GPBP1: variants seen among roughly 807,000 people sequenced by gnomAD.
GPBP1 encodes the protein GC-rich promoter binding protein 1, also known as vasculin.
In GPBP1, 13 loss-of-function variants were observed where a neutral mutation model predicts 56.5. That is an observed-to-expected ratio of 0.23 (90% CI 0.15 to 0.37). The LOEUF is 0.37. GPBP1 is among the 10% of genes least tolerant of loss of function. The pLI is 1.00. For synonymous variants in GPBP1, 204 were observed against 188.9 expected, an observed-to-expected ratio of 1.08 and a Z score of -0.66; for missense variants, 477 against 572.3, an observed-to-expected ratio of 0.83 and a Z score of 1.70.
At chr5:57,222,680 G>A (rs1756004290) in intron 3 of GPBP1, among the ~76,000 whole-genome samples, 2 of 151,896 alleles carry the variant, frequency 1.3e-5, no homozygotes. Flanking sequence ...GAAATACCTG[G>A]GCATTTCTTT....
At chr5:57,252,239 A>G (rs1580079634) in intron 10 of GPBP1, among the ~76,000 whole-genome samples, 1 of 150,332 alleles carries the variant, frequency 6.7e-6, no homozygotes, top group African/African-American at 2.4e-5. Flanking sequence ...TTGCACCACC[A>G]TGCACGGCTT....
rs1006454406 is a variant in GPBP1, at chr5:57,175,943, T to G, written c.-515T>G. 3.5e-5 allele frequency: 14 copies of G among 398,460 alleles called. 1 individual carries two copies. The Admixed American group carries it at 4.0e-4, about 11-fold the overall frequency. The allele number at this position is 398,460 out of a possible 1,614,324, so 24.7% of individuals were successfully genotyped here. A position where few individuals can be genotyped will look rare whatever the true frequency, so the allele number is the denominator to read the frequency against. On this transcript the variant is annotated 5_prime_UTR_variant, in exon 2 of 12. Transcript: ENST00000506184. Reference sequence around the variant, plus strand: ...TGAAGAGATTGAAAGAATACAGAGTTTTTTTCCTTTTATCTTTTATTTACG... The same window carrying G: ...TGAAGAGATTGAAAGAATACAGAGTGTTTTTCCTTTTATCTTTTATTTACG...
Position 57,247,059 on chromosome 5 carries a change from G to A in GPBP1, c.664-16G>A. The A allele has an allele frequency of 1.3e-6, 2 of 1,596,758 alleles. No individual in the cohort carries two copies. Among genetic ancestry groups the A allele is most frequent in the Non-Finnish European group, 1.7e-6 (2 of 1,173,918 alleles). The stretch of plus-strand genomic sequence containing the variant: ...CTGTTTTTGATAGCCATTAATGTTT[G>A]TGTGTTTTTCTTTAGCCTACACAAT... On this transcript the variant is annotated splice_polypyrimidine_tract_variant and intron_variant, in intron 7 of 11. Transcript: ENST00000506184.
intron 3 of GPBP1, among the ~76,000 whole-genome samples, chr5:57,221,027 A>G (rs1755938322): frequency 6.6e-6 from 1 of 152,184 alleles, no homozygotes; most frequent in East Asian, 1.9e-4. Context: ...AAACGGCAGT[A>G]TTTATTTTTT....
rs2111912443 is a variant in GPBP1 at position 57,244,599 on chromosome 5, A to C, written c.479-1701A>C. On this transcript the variant is annotated intron_variant, in intron 6 of 11. Transcript: ENST00000506184. ...GAGTTACATGCTAAGATTTTCTCTC[A>C]CATTTTATTAATGTCAAGAATTTTT... Among the ~76,000 whole-genome samples, 2 of 152,224 alleles carry C rather than the reference A, an allele frequency of 1.3e-5. 1 individual carries two copies. The highest frequency in any genetic ancestry group is 4.1e-4 in the South Asian group (2 of 4,828).
chr5:57,215,489 G>A (rs1755663273), intron 3 of GPBP1, among the ~76,000 whole-genome samples: 1 of 152,172 alleles, frequency 6.6e-6, no homozygotes, highest in African/African-American at 2.4e-5. Flanking sequence ...TGCCTGAAGG[G>A]CCTAAATTTG....
chr5:57,244,544 G>A (rs1740993603), intron 6 of GPBP1, among the ~76,000 whole-genome samples: 1 of 152,094 alleles, frequency 6.6e-6, no homozygotes, highest in Admixed American at 6.6e-5. Context: ...TCATTCCTCA[G>A]ATTCCTGGGC....
intron 2 of GPBP1, among the ~76,000 whole-genome samples, chr5:57,181,848 A>G (rs879825255): frequency 2.0e-5 from 3 of 152,148 alleles, no homozygotes; most frequent in Non-Finnish European, 2.9e-5. Context: ...GTTACTGGTA[A>G]ACTGTTTTGT....
chr5:57,188,668 G>A (rs1579980231), intron 2 of GPBP1, among the ~76,000 whole-genome samples: 1 of 151,834 alleles, frequency 6.6e-6, no homozygotes, highest in Non-Finnish European at 1.5e-5. Flanking sequence ...GCTTAAACAC[G>A]TCAGGCAGAG....
intron 3 of GPBP1, among the ~76,000 whole-genome samples, chr5:57,218,102 A>C (rs1245780781): frequency 6.6e-6 from 1 of 151,836 alleles, no homozygotes; most frequent in Admixed American, 6.6e-5. Flanking sequence ...TTTCCTCTCT[A>C]CTCTCAACAC....
At chr5:57,218,239 A>T (rs1755784992) in intron 3 of GPBP1, among the ~76,000 whole-genome samples, 1 of 152,106 alleles carries the variant, frequency 6.6e-6, no homozygotes. Flanking sequence ...GTCAGATCCC[A>T]CAGGTTAAAT....
chr5:57,247,364 C>A, intron 8 of GPBP1, 149 bp downstream of exon 8: 1 of 657,966 alleles, frequency 1.5e-6, no homozygotes, highest in Non-Finnish European at 2.4e-6. Context: ...ATTTGTTAAC[C>A]AATTTTGCAC....
In GPBP1 at chr5:57,263,429, A is replaced by G. The variant is rs902125584; in HGVS notation, c.*677A>G. 3.9e-5 allele frequency: 6 copies of G among 152,200 alleles called. No homozygotes were observed. Among genetic ancestry groups the G allele is most frequent in the Non-Finnish European group, 7.3e-5 (5 of 68,030 alleles). The allele number at this position is 152,200 out of a possible 1,614,324, so 9.4% of individuals were successfully genotyped here. A position where few individuals can be genotyped will look rare whatever the true frequency, so the allele number is the denominator to read the frequency against. ...CAAATTTTAAGAGGTGATTTTCAAA[A>G]GCTTTATTGGGGTATGTTGTCAGAC... On this transcript the variant is annotated 3_prime_UTR_variant, in exon 12 of 12. Transcript: ENST00000506184.
chr5:57,178,636 ATTAACT>A (rs1485396988), intron 2 of GPBP1, among the ~76,000 whole-genome samples: 2 of 152,244 alleles, frequency 1.3e-5, no homozygotes, highest in Non-Finnish European at 2.9e-5. Context: ...GTTTTTAGCA[ATTAACT>A]TTAATCTGTG....
chr5:57,231,136 C>T lies in GPBP1; in HGVS notation c.226C>T (p.His76Tyr). 6.2e-7 allele frequency: 1 copy of T among 1,614,028 alleles called. No individual in the cohort carries two copies. The highest frequency in any genetic ancestry group is 1.6e-4 in the Middle Eastern group (1 of 6,062). ...GAAAGAAAAAAATGGATGGCGTACA[C>T]ATGGAAGAAATGGTACAGAAAACAT... ...GRKEKNGWRT[H>Y]GRNGTENINH... Residue 76 changes from histidine to tyrosine, a missense_variant, in exon 5 of 12, where the codon CAT becomes TAT. His to Tyr is a moderately conservative substitution (Grantham distance 83). This residue lies in a region of GPBP1 where 414 missense variants were observed against 458.2 expected (regional missense o/e 0.90). Transcript: ENST00000506184.
At chr5:57,184,264 A>C (rs1349396990) in intron 2 of GPBP1, among the ~76,000 whole-genome samples, 1 of 152,078 alleles carries the variant, frequency 6.6e-6, no homozygotes. Context: ...ATTGGGGTGT[A>C]ATGTACATAA....
At chr5:57,261,828 T>C (rs1459216133) in intron 11 of GPBP1, among the ~76,000 whole-genome samples, 2 of 152,098 alleles carry the variant, frequency 1.3e-5, no homozygotes, top group Admixed American at 6.6e-5. Flanking sequence ...TCTGAAAGAG[T>C]ATTAGGGAAT....
intron 7 of GPBP1, 90 bp from the exon 8 acceptor site, chr5:57,246,985 A>T: frequency 2.7e-6 from 3 of 1,092,124 alleles, no homozygotes; most frequent in Non-Finnish European, 4.0e-6. Flanking sequence ...AGCCTAGCGT[A>T]GTCATTTTTG....
chr5:57,264,659 A>G lies in GPBP1; in HGVS notation c.*1907A>G, dbSNP rs1041049187. The G allele has an allele frequency of 6.6e-6, 1 of 152,164 alleles. No individual in the cohort carries two copies. Among genetic ancestry groups the G allele is most frequent in the Non-Finnish European group, 1.5e-5 (1 of 68,028 alleles). 9.4% of individuals were successfully genotyped at this position (152,164 alleles called of 1,614,324 possible). A position where few individuals can be genotyped will look rare whatever the true frequency, so the allele number is the denominator to read the frequency against. ...GTGTTTAGTAATTTACTCCTTATAA[A>G]TATGGTAAAGTACAGTGGTATGGTT... On this transcript the variant is annotated 3_prime_UTR_variant, in exon 12 of 12. Coordinates refer to ENST00000506184, the MANE Select transcript of GPBP1 (RefSeq NM_022913.4).
Sources: allele counts gnomAD v4.1 joint callset (sites outside exome capture counted in the v4.1 genomes callset), GRCh38; gene constraint gnomAD v4.1.1; regional missense constraint gnomAD v4.1.1; transcripts MANE v1.5; gene names NCBI Gene and HGNC (gene_info 2026-07-23, HGNC 2026-07-21).